SLX4IP: variants seen among roughly 807,000 people sequenced by gnomAD.
SLX4IP encodes the protein protein SLX4IP.
SLX4IP carries 34 observed loss-of-function variants against 32.9 expected under a neutral mutation model. The ratio of observed to expected loss-of-function variants is 1.03; its 90% confidence interval spans 0.79 to 1.38. The LOEUF (loss-of-function observed/expected upper bound fraction) is 1.38, where lower values mean the gene tolerates loss of function less well. SLX4IP is among the 40% of genes most tolerant of loss of function. SLX4IP has a pLI of 0.00. For synonymous variants in SLX4IP, 172 were observed against 171.7 expected, an observed-to-expected ratio of 1.00 and a Z score of -0.01; for missense variants, 444 against 479.0, an observed-to-expected ratio of 0.93 and a Z score of 0.68.
chr20:10,453,028 T>C (rs2065256118), intron 1 of SLX4IP, among the ~76,000 whole-genome samples: 2 of 152,216 alleles, frequency 1.3e-5, no homozygotes, highest in South Asian at 4.1e-4. Flanking sequence ...TCTTTTGCTC[T>C]GTTTAACCTC....
At position 10,627,324 on chromosome 20, in the gene SLX4IP, G is replaced by A. The variant is rs963779850; in HGVS notation, c.*3945G>A. On this transcript the variant is annotated 3_prime_UTR_variant, in exon 8 of 8. Transcript: ENST00000334534. ...TTGAAACATTAATGAACTGAAACAC[G>A]TTGAAGCAAGTAAAAAATCAAAATT... The A allele has an allele frequency of 2.0e-5, 3 of 152,136 alleles. No individual in the cohort carries two copies. The highest frequency in any genetic ancestry group is 3.8e-4 in the East Asian group (2 of 5,196). 9.4% of individuals were successfully genotyped at this position (152,136 alleles called of 1,614,324 possible). A position where few individuals can be genotyped will look rare whatever the true frequency, so the allele number is the denominator to read the frequency against.
intron 4 of SLX4IP, among the ~76,000 whole-genome samples, chr20:10,595,266 T>C (rs2066756103): frequency 6.6e-6 from 1 of 152,216 alleles, no homozygotes; most frequent in South Asian, 2.1e-4. Flanking sequence ...TCCCTTCTTG[T>C]GTCTAAAGAC....
intron 2 of SLX4IP, among the ~76,000 whole-genome samples, chr20:10,515,167 C>T (rs1247986353): frequency 6.6e-6 from 1 of 150,858 alleles, no homozygotes; most frequent in Non-Finnish European, 1.5e-5. Flanking sequence ...TCACTGCAGC[C>T]TCCACCTCTT....
At chr20:10,515,732 T>C (rs2098673168) in intron 2 of SLX4IP, among the ~76,000 whole-genome samples, 2 of 152,242 alleles carry the variant, frequency 1.3e-5, no homozygotes, top group South Asian at 4.1e-4. Flanking sequence ...TGGTAACTTT[T>C]TTAAATTTAA....
At chr20:10,466,281 T>G (rs764156598) in intron 2 of SLX4IP, among the ~76,000 whole-genome samples, 1 of 152,214 alleles carries the variant, frequency 6.6e-6, no homozygotes, top group Non-Finnish European at 1.5e-5. Context: ...GATTTTGAAT[T>G]TAAATTTTGG....
At position 10,506,509 on chromosome 20, in the gene SLX4IP, G is replaced by A. The variant is rs1032558129; in HGVS notation, c.27+48278G>A. Among the ~76,000 whole-genome samples, 3 of 152,290 alleles carry A rather than the reference G, an allele frequency of 2.0e-5. No individual in the cohort carries two copies. In the South Asian group the frequency reaches 6.2e-4, roughly 32 times the overall value. On this transcript the variant is annotated intron_variant, in intron 2 of 7. Coordinates refer to ENST00000334534, the MANE Select transcript of SLX4IP (RefSeq NM_001009608.3). ...AAGACAGACAGGCCTTATGTTGTTTGCTCAAACTCTCTGGCTCTCTTGAAG... is the reference window on the plus strand; with the variant it reads ...AAGACAGACAGGCCTTATGTTGTTTACTCAAACTCTCTGGCTCTCTTGAAG...
At chr20:10,473,472 G>A (rs565605755) in intron 2 of SLX4IP, among the ~76,000 whole-genome samples, 8 of 152,296 alleles carry the variant, frequency 5.3e-5, no homozygotes, top group Non-Finnish European at 1.2e-4. Flanking sequence ...TTTAGTAAGT[G>A]TTAGGCATTA....
chr20:10,561,430 A>C (rs1232630372), intron 4 of SLX4IP, among the ~76,000 whole-genome samples: 1 of 151,934 alleles, frequency 6.6e-6, no homozygotes, highest in Non-Finnish European at 1.5e-5. Context: ...GTATGAGCTC[A>C]ATTTTTTTAA....
At chr20:10,470,621 G>T (rs528269624) in intron 2 of SLX4IP, among the ~76,000 whole-genome samples, 40 of 152,254 alleles carry the variant, frequency 2.6e-4, no homozygotes, top group African/African-American at 8.9e-4. Flanking sequence ...GCTATATTTT[G>T]CGAGTTTAAT....
intron 2 of SLX4IP, among the ~76,000 whole-genome samples, chr20:10,535,138 C>T (rs147498511): frequency 1.6e-4 from 25 of 152,100 alleles, no homozygotes; most frequent in East Asian, 5.8e-4. Context: ...CCAGGGAAGA[C>T]GGTTGCAGAA....
chr20:10,585,593 CTTTT>C (rs996167310), intron 4 of SLX4IP, among the ~76,000 whole-genome samples: 1 of 131,622 alleles, frequency 7.6e-6, no homozygotes, highest in African/African-American at 3.0e-5. Context: ...TTCTTTCTTT[CTTTT>C]TTTGAGACGG....
intron 2 of SLX4IP, among the ~76,000 whole-genome samples, chr20:10,548,559 G>C (rs2066188342): frequency 2.0e-5 from 3 of 152,132 alleles, no homozygotes; most frequent in African/African-American, 7.2e-5. Flanking sequence ...TTCTTTGTGT[G>C]TTATGATCTC....
rs188148832 is a variant in SLX4IP, at chr20:10,443,067, C to G, written c.-30+7614C>G. ...GGGTATGTGTTTATATGAATTACAACTCTCAGCTTTGGCTGTATGATTATA... is the reference window on the plus strand; with the variant it reads ...GGGTATGTGTTTATATGAATTACAAGTCTCAGCTTTGGCTGTATGATTATA... On this transcript the variant is annotated intron_variant, in intron 1 of 7. Coordinates refer to ENST00000334534, the MANE Select transcript of SLX4IP (RefSeq NM_001009608.3). Among the ~76,000 whole-genome samples, 119 of 152,226 alleles carry G rather than the reference C, an allele frequency of 7.8e-4. 1 individual carries two copies. Among genetic ancestry groups the G allele is most frequent in the Middle Eastern group, 6.8e-3 (2 of 294 alleles).
rs528592993 is a variant in SLX4IP, at chr20:10,613,400, A to T, written c.406-7914A>T. ...CTGCACCTTGCTTACAATGGCATCA[A>T]TTTACACCTAAGGACCTTTGAAGAG... On this transcript the variant is annotated intron_variant, in intron 6 of 7. Transcript: ENST00000334534. The T allele has an allele frequency of 6.5e-6, 10 of 1,537,096 alleles. No individual in the cohort carries two copies. In the South Asian group the frequency reaches 1.1e-4, roughly 17 times the overall value.
At chr20:10,453,306 C>CTGTGTGTGTGTA (rs2065258122) in intron 1 of SLX4IP, among the ~76,000 whole-genome samples, 1 of 79,506 alleles carries the variant, frequency 1.3e-5, no homozygotes, top group Non-Finnish European at 3.3e-5. Flanking sequence ...TAAAACTCAT[C>CTGTGTGTGTGTA]CGTGTGTGTG....
chr20:10,458,972 C>G (rs2122344495), intron 2 of SLX4IP, among the ~76,000 whole-genome samples: 1 of 152,316 alleles, frequency 6.6e-6, no homozygotes, highest in African/African-American at 2.4e-5. Context: ...AATTTACACT[C>G]CCACCAACAG....
intron 1 of SLX4IP, among the ~76,000 whole-genome samples, chr20:10,435,921 G>T (rs188408589): frequency 6.6e-6 from 1 of 152,278 alleles, no homozygotes; most frequent in African/African-American, 2.4e-5. Context: ...ATTAACTCAT[G>T]GAGCCTACAT....
intron 2 of SLX4IP, among the ~76,000 whole-genome samples, chr20:10,543,482 A>G (rs2066130581): frequency 6.6e-6 from 1 of 152,160 alleles, no homozygotes; most frequent in East Asian, 1.9e-4. Flanking sequence ...AAACCTTGAG[A>G]CTGATGAAAG....
At chr20:10,458,733 G>A (rs529290232) in intron 2 of SLX4IP, among the ~76,000 whole-genome samples, 66 of 152,256 alleles carry the variant, frequency 4.3e-4, no homozygotes, top group African/African-American at 1.4e-3. Flanking sequence ...TGGTGTATAT[G>A]TACCACATTT....
Sources: gnomAD v4.1 joint callset for allele counts (sites outside exome capture counted in the v4.1 genomes callset) on GRCh38, gnomAD v4.1.1 for gene constraint, MANE v1.5 for transcripts, NCBI Gene and HGNC (gene_info 2026-07-23, HGNC 2026-07-21) for gene names.